Variants in TDRD7 observed in about 807,000 individuals in gnomAD.
TDRD7 encodes tudor domain-containing protein 7.
In TDRD7, 47 loss-of-function variants were observed where a neutral mutation model predicts 109.8. The observed-to-expected ratio is 0.43, with a 90% CI of 0.34 to 0.55. TDRD7 has a LOEUF of 0.55. Among genes scored for constraint, TDRD7 ranks in the 20% least tolerant of loss-of-function variants. The pLI is 0.03. For missense variants in TDRD7, 1,164 were observed against 1,319.2 expected, an observed-to-expected ratio of 0.88 and a Z score of 1.82; for synonymous variants, 424 against 457.3, an observed-to-expected ratio of 0.93 and a Z score of 0.93.
Position 97,428,622 on chromosome 9 carries a change from C to G in TDRD7, c.157C>G (p.Leu53Val), listed in dbSNP as rs781350394. 2 of 1,614,004 alleles carry G rather than the reference C, an allele frequency of 1.2e-6. No homozygotes were observed. Among genetic ancestry groups the G allele is most frequent in the South Asian group, 1.1e-5 (1 of 91,084 alleles). ...AGGTTTCCCTACACTAGAAGCCTATCTGAGAAGTGTGCCAGCAGTGGTCAG... is the reference window on the plus strand; with the variant it reads ...AGGTTTCCCTACACTAGAAGCCTATGTGAGAAGTGTGCCAGCAGTGGTCAG... ...QLGFPTLEAY[L>V]RSVPAVVRIE... The change falls in exon 2 of 17, where the codon CTG (leucine) becomes GTG (valine). Residue 53 changes from leucine (L) to valine (V), a missense_variant. This residue lies in a region of TDRD7 where 101 missense variants were observed against 148.5 expected (regional missense o/e 0.68). Transcript: ENST00000355295.
chr9:97,485,009 T>C (rs1387844549), intron 15 of TDRD7, among the ~76,000 whole-genome samples: 1 of 152,212 alleles, frequency 6.6e-6, no homozygotes, highest in Admixed American at 6.5e-5. Context: ...TCCCAGATAA[T>C]CAAGGGATGT....
chr9:97,428,338 T>C (rs1397692370), intron 1 of TDRD7, 122 bp from the exon 2 acceptor site: 20 of 991,238 alleles, frequency 2.0e-5, no homozygotes, highest in Non-Finnish European at 2.9e-5. Context: ...TTCCCCATAT[T>C]GTAATTGCAC....
At chr9:97,478,832 G>A (rs1001731080) in intron 13 of TDRD7, among the ~76,000 whole-genome samples, 2 of 152,144 alleles carry the variant, frequency 1.3e-5, no homozygotes, top group Admixed American at 6.5e-5. Flanking sequence ...CCAGTTACAG[G>A]TTCCATTTTG....
At chr9:97,445,140 A>G (rs949178686) in intron 6 of TDRD7, among the ~76,000 whole-genome samples, 3 of 152,218 alleles carry the variant, frequency 2.0e-5, no homozygotes, top group African/African-American at 4.8e-5. Flanking sequence ...ACTGTCTTGA[A>G]AAGGCAAAGA....
At position 97,417,892 on chromosome 9, in the gene TDRD7, C is replaced by G. The variant is rs184911599; in HGVS notation, c.-7+5654C>G. 1.6e-3 allele frequency among the ~76,000 whole-genome samples: 239 copies of G among 152,224 alleles called. 1 individual carries two copies. Among genetic ancestry groups the G allele is most frequent in the Non-Finnish European group, 2.6e-3 (179 of 68,010 alleles). ...CTGTAATCCCAGCACTTTGGGAGGC[C>G]AAGGCAGGTGGATCGTGAGGTCAGG... On this transcript the variant is annotated intron_variant, in intron 1 of 16. Transcript: ENST00000355295.
intron 1 of TDRD7, among the ~76,000 whole-genome samples, chr9:97,423,129 T>G (rs2118242900): frequency 6.6e-6 from 1 of 152,336 alleles, no homozygotes; most frequent in Middle Eastern, 3.4e-3. Context: ...TTTGGTAGAA[T>G]TTGCCAGTAA....
intron 5 of TDRD7, among the ~76,000 whole-genome samples, chr9:97,441,184 G>C (rs529069556): frequency 6.6e-6 from 1 of 152,070 alleles, no homozygotes; most frequent in Admixed American, 6.5e-5. Flanking sequence ...TCAAACTCAG[G>C]CAATTTTTTA....
chr9:97,452,538 G>A (rs183884605), intron 6 of TDRD7, among the ~76,000 whole-genome samples: 7 of 152,310 alleles, frequency 4.6e-5, no homozygotes, highest in African/African-American at 1.7e-4. Context: ...ATTAGAGTGG[G>A]ATATGGTTAT....
chr9:97,495,601 T>C, intron 16 of TDRD7, 62 bp from the exon 17 acceptor site: 1 of 1,475,696 alleles, frequency 6.8e-7, no homozygotes, highest in Non-Finnish European at 9.5e-7. Context: ...TCCATCATAA[T>C]GGATCAAAGA....
chr9:97,459,699 A>G (rs992335183), intron 6 of TDRD7, among the ~76,000 whole-genome samples: 2 of 152,220 alleles, frequency 1.3e-5, no homozygotes, highest in African/African-American at 4.8e-5. Context: ...ATCTTTTTCT[A>G]AATAATGGAA....
chr9:97,462,966 A>C (rs1014452214), intron 7 of TDRD7, among the ~76,000 whole-genome samples: 1 of 152,358 alleles, frequency 6.6e-6, no homozygotes, highest in Non-Finnish European at 1.5e-5. Flanking sequence ...TTGAGCACCC[A>C]GGGCTACATA....
At chr9:97,470,761 C>T (rs192448630) in intron 9 of TDRD7, 92 bp downstream of exon 9, 128 of 917,964 alleles carry the variant, frequency 1.4e-4, no homozygotes, top group Admixed American at 6.6e-4. Flanking sequence ...GACTAAGTAT[C>T]TCATGTTATA....
chr9:97,463,776 A>G (rs1238844507), intron 7 of TDRD7, among the ~76,000 whole-genome samples: 1 of 152,254 alleles, frequency 6.6e-6, no homozygotes, highest in Non-Finnish European at 1.5e-5. Context: ...AACTGGAACA[A>G]GGTGACCACA....
chr9:97,473,700 A>G, intron 11 of TDRD7, 74 bp downstream of exon 11: 1 of 1,600,492 alleles, frequency 6.2e-7, no homozygotes, highest in South Asian at 1.1e-5. Flanking sequence ...AAATTGCATA[A>G]GTATGAACAA....
chr9:97,430,756 C>A lies in TDRD7; in HGVS notation c.208-177C>A, dbSNP rs544058222. ...TCAATGTACTAGACTATGCCAGATTCCTCTTGCAGAAAATATAATTTTCTT... is the reference window on the plus strand; with the variant it reads ...TCAATGTACTAGACTATGCCAGATTACTCTTGCAGAAAATATAATTTTCTT... On this transcript the variant is annotated intron_variant, in intron 2 of 16. Transcript: ENST00000355295. Among the ~76,000 whole-genome samples the A allele has an allele frequency of 5.3e-5, 8 of 152,280 alleles. 1 individual carries two copies. Among genetic ancestry groups the A allele is most frequent in the South Asian group, 4.1e-4 (2 of 4,828 alleles).
At chr9:97,433,633 A>G (rs1828143859) in intron 4 of TDRD7, among the ~76,000 whole-genome samples, 1 of 152,186 alleles carries the variant, frequency 6.6e-6, no homozygotes, top group Non-Finnish European at 1.5e-5. Context: ...TAAGGGCTTA[A>G]TATTCAAAAT....
At chr9:97,414,612 C>T (rs905593023) in intron 1 of TDRD7, among the ~76,000 whole-genome samples, 2 of 152,052 alleles carry the variant, frequency 1.3e-5, no homozygotes, top group Non-Finnish European at 2.9e-5. Flanking sequence ...AGTATGTAGA[C>T]TTATGGAAAT....
rs567763656 is a variant in TDRD7, at chr9:97,490,554, G to A, written c.3076+3222G>A. On this transcript the variant is annotated intron_variant, in intron 16 of 16. Coordinates refer to ENST00000355295, the MANE Select transcript of TDRD7 (RefSeq NM_014290.3). The stretch of plus-strand genomic sequence containing the variant: ...TATGCCTAGATATATTTTGGTGGGG[G>A]GGGGGGCATTTATCTTGCTTGGTGT... Among the ~76,000 whole-genome samples the A allele has an allele frequency of 7.6e-5, 11 of 144,536 alleles. 1 individual carries two copies. The highest frequency in any genetic ancestry group is 3.5e-3 in the Middle Eastern group (1 of 282). The allele number at this position is 144,536 out of a possible 152,430, so 94.8% of individuals were successfully genotyped here.
chr9:97,441,977 A>ACTTTGT (rs1346826928), intron 6 of TDRD7, 102 bp downstream of exon 6: 21 of 944,324 alleles, frequency 2.2e-5, no homozygotes, highest in Non-Finnish European at 3.5e-5. Context: ...AAGACAAAGC[A>ACTTTGT]CTTTACATAT....
Sources: allele counts gnomAD v4.1 joint callset (sites outside exome capture counted in the v4.1 genomes callset), GRCh38; gene constraint gnomAD v4.1.1; regional missense constraint gnomAD v4.1.1; transcripts MANE v1.5; gene names NCBI Gene and HGNC (gene_info 2026-07-23, HGNC 2026-07-21).